EML6: variants seen among roughly 807,000 people sequenced by gnomAD.
EML6 encodes echinoderm microtubule-associated protein-like 6.
Under a neutral mutation model 240.1 loss-of-function variants are expected in EML6, and 154 were observed. The ratio of observed to expected loss-of-function variants is 0.64; its 90% CI spans 0.56 to 0.73. The LOEUF (loss-of-function observed/expected upper bound fraction) is 0.73, where lower values mean the gene tolerates loss of function less well. Ranked by LOEUF, EML6 falls within the 30% of genes least tolerant of loss-of-function variation. The pLI, the probability that EML6 is intolerant of heterozygous loss-of-function variation, is 0.00. For missense variants in EML6, 2,964 were observed against 2,474.6 expected, an observed-to-expected ratio of 1.20 and a Z score of -4.20; for synonymous variants, 1,148 against 899.0, an observed-to-expected ratio of 1.28 and a Z score of -4.95.
chr2:54,895,113 A>T, intron 20 of EML6, 87 bp downstream of exon 20: 2 of 1,325,552 alleles, frequency 1.5e-6, no homozygotes, highest in Non-Finnish European at 2.1e-6. Flanking sequence ...CTATTAGCAA[A>T]TCAATTTTCT....
chr2:54,811,364 C>T (rs920281571), intron 2 of EML6, among the ~76,000 whole-genome samples: 15 of 152,210 alleles, frequency 9.9e-5, no homozygotes, highest in Admixed American at 4.6e-4. Context: ...AAGACTGAAA[C>T]TGTGGAGGAC....
chr2:54,960,314 C>G lies in EML6; in HGVS notation c.4948C>G (p.Arg1650Gly). The change falls in exon 35 of 42, where the codon CGC becomes GGC. Residue 1650 changes from arginine to glycine, a missense_variant. Physicochemically the swap from Arg to Gly is moderately radical, Grantham distance 125. Coordinates refer to ENST00000356458, the MANE Select transcript of EML6 (RefSeq NM_001039753.4). ...GACCGGGCAGCTGGTGGAGTGTGTG[C>G]GCTCCGTGTGCCGTGGAAAAGTGAG... ...LETGQLVECV[R>G]SVCRGKGKIL... 6.4e-7 allele frequency: 1 copy of G among 1,550,518 alleles called. No individual in the cohort carries two copies. The highest frequency in any genetic ancestry group is 8.7e-7 in the Non-Finnish European group (1 of 1,146,724).
At chr2:54,775,641 T>C (rs969798749) in intron 2 of EML6, among the ~76,000 whole-genome samples, 1 of 152,184 alleles carries the variant, frequency 6.6e-6, no homozygotes, top group African/African-American at 2.4e-5. Flanking sequence ...GACTACAGGA[T>C]CTAAGAGAGC....
intron 19 of EML6, 24 bp downstream of exon 19, chr2:54,892,680 A>T: frequency 6.5e-7 from 1 of 1,527,774 alleles, no homozygotes; most frequent in South Asian, 1.2e-5. Flanking sequence ...ATCAGCATTC[A>T]TTTTCCTCAT....
intron 2 of EML6, among the ~76,000 whole-genome samples, chr2:54,785,832 A>C (rs932564747): frequency 1.3e-5 from 2 of 151,992 alleles, no homozygotes; most frequent in Non-Finnish European, 2.9e-5. Context: ...AATTGTCACA[A>C]ATCTCCAAAA....
At chr2:54,893,959 G>C (rs763448290) in intron 19 of EML6, among the ~76,000 whole-genome samples, 30 of 152,230 alleles carry the variant, frequency 2.0e-4, no homozygotes, top group Non-Finnish European at 3.8e-4. Flanking sequence ...GGTGTAACTT[G>C]TTTAAGCTCT....
At chr2:54,918,049 T>C (rs1449467944) in intron 26 of EML6, among the ~76,000 whole-genome samples, 1 of 152,216 alleles carries the variant, frequency 6.6e-6, no homozygotes, top group Non-Finnish European at 1.5e-5. Context: ...GACGTCAATC[T>C]CAAAAATGTT....
intron 11 of EML6, among the ~76,000 whole-genome samples, chr2:54,858,834 C>T (rs192656121): frequency 1.3e-5 from 2 of 152,290 alleles, no homozygotes; most frequent in Admixed American, 6.5e-5. Context: ...TTTAGAGAAA[C>T]TGTGAGAAAT....
At chr2:54,924,464 C>G (rs1322753901) in intron 26 of EML6, among the ~76,000 whole-genome samples, 1 of 152,106 alleles carries the variant, frequency 6.6e-6, no homozygotes, top group Non-Finnish European at 1.5e-5. Flanking sequence ...CTTGAGTTCT[C>G]TATTTCTTCA....
chr2:54,846,879 C>T (rs1669787723), intron 8 of EML6, among the ~76,000 whole-genome samples: 1 of 150,768 alleles, frequency 6.6e-6, no homozygotes. Flanking sequence ...ACATAAAGGA[C>T]CACTTAATTT....
intron 2 of EML6, among the ~76,000 whole-genome samples, chr2:54,756,837 C>T (rs943000891): frequency 1.3e-5 from 2 of 151,988 alleles, no homozygotes; most frequent in African/African-American, 4.8e-5. Flanking sequence ...CTACAAACTC[C>T]TGAGTCTCAG....
At chr2:54,891,800 T>G (rs1379041380) in intron 18 of EML6, among the ~76,000 whole-genome samples, 7 of 152,214 alleles carry the variant, frequency 4.6e-5, no homozygotes, top group Admixed American at 4.6e-4. Context: ...CCACCCAGTA[T>G]GTCTGGAGAG....
chr2:54,842,398 AG>A (rs1343472111), intron 7 of EML6, among the ~76,000 whole-genome samples: 2 of 152,242 alleles, frequency 1.3e-5, no homozygotes, highest in Non-Finnish European at 2.9e-5. Context: ...ATTTAGTTTT[AG>A]AGCCTCTTAA....
In EML6 at chr2:54,971,741, C is replaced by G. The variant is rs1677024146; in HGVS notation, c.*1646C>G. On this transcript the variant is annotated 3_prime_UTR_variant, in exon 42 of 42. Coordinates refer to ENST00000356458, the MANE Select transcript of EML6 (RefSeq NM_001039753.4). ...ATGTCTGCCTATCTTGTACTAGACT[C>G]TTCATGCTGATCGGATCTTGCATTG... 6.6e-6 allele frequency: 1 copy of G among 152,188 alleles called. No individual in the cohort carries two copies. The highest frequency in any genetic ancestry group is 6.5e-5 in the Admixed American group (1 of 15,276). The allele number at this position is 152,188 out of a possible 1,614,324, so 9.4% of individuals were successfully genotyped here.
chr2:54,723,919 C>T (rs1381364560), intron 1 of EML6, 142 bp downstream of exon 1: 1 of 152,442 alleles, frequency 6.6e-6, no homozygotes, highest in African/African-American at 2.4e-5. Context: ...CGCCGACCCC[C>T]GGGACGTGTG....
chr2:54,738,451 T>C (rs1683492757), intron 2 of EML6, among the ~76,000 whole-genome samples: 1 of 152,154 alleles, frequency 6.6e-6, no homozygotes, highest in African/African-American at 2.4e-5. Context: ...TACAGAAAAG[T>C]ACATATATCA....
At chr2:54,803,261 A>G (rs1670278121) in intron 2 of EML6, among the ~76,000 whole-genome samples, 1 of 152,190 alleles carries the variant, frequency 6.6e-6, no homozygotes, top group South Asian at 2.1e-4. Flanking sequence ...AGCAAGTTTC[A>G]TGAACATAAA....
chr2:54,948,674 G>C (rs545967242), intron 28 of EML6, among the ~76,000 whole-genome samples: 5 of 152,290 alleles, frequency 3.3e-5, no homozygotes, highest in Admixed American at 3.3e-4. Flanking sequence ...AGCGTGGGGA[G>C]GCCCAACCCA....
intron 5 of EML6, among the ~76,000 whole-genome samples, chr2:54,823,358 T>C (rs1668419247): frequency 6.6e-6 from 1 of 152,064 alleles, no homozygotes; most frequent in South Asian, 2.1e-4. Context: ...GAGGCATTGG[T>C]CACCCATGGA....
Sources: allele counts gnomAD v4.1 joint callset (sites outside exome capture counted in the v4.1 genomes callset), GRCh38; gene constraint gnomAD v4.1.1; transcripts MANE v1.5; gene names NCBI Gene and HGNC (gene_info 2026-07-23, HGNC 2026-07-21).